Variants in SLC6A13 observed in about 807,000 individuals in gnomAD.
SLC6A13 encodes the protein sodium- and chloride-dependent GABA transporter 2.
A neutral mutation model predicts 72.9 loss-of-function variants in SLC6A13; 69 were observed. The ratio of observed to expected loss-of-function variants is 0.95; its 90% CI spans 0.78 to 1.16. The LOEUF (loss-of-function observed/expected upper bound fraction) is 1.16, where lower values mean the gene tolerates loss of function less well. Ranked by LOEUF, SLC6A13 falls within the 50% of genes most tolerant of loss-of-function variation. The probability of loss-of-function intolerance (pLI) is 0.00; values close to 1 mark genes in which losing one functional copy is unlikely to be tolerated. For synonymous variants in SLC6A13, 303 were observed against 303.0 expected, an observed-to-expected ratio of 1.00 and a Z score of 0.00; for missense variants, 735 against 760.5, an observed-to-expected ratio of 0.97 and a Z score of 0.39.
chr12:237,437 G>T, intron 5 of SLC6A13, 147 bp from the exon 6 acceptor site: 1 of 846,642 alleles, frequency 1.2e-6, no homozygotes. Context: ...CCTTAGCCCA[G>T]AGCTGGAGGT....
In SLC6A13 at chr12:259,977, C is replaced by T. The variant is rs747254485; in HGVS notation, c.76G>A (p.Glu26Lys). 6.8e-6 allele frequency: 11 copies of T among 1,614,134 alleles called. No individual in the cohort carries two copies. The highest frequency in any genetic ancestry group is 9.3e-6 in the Non-Finnish European group (11 of 1,180,046). Reference sequence around the variant, plus strand: ...TGCCCCCGCTCCAGGGTGCCATCTTCCTCCTTCTTTTCCATGACTGGATAC... The same window carrying T: ...TGCCCCCGCTCCAGGGTGCCATCTTTCTCCTTCTTTTCCATGACTGGATAC... ...PVYPVMEKKE[E>K]DGTLERGHWN... Residue 26 changes from glutamate (E) to lysine (K), a missense_variant, in exon 2 of 15, where the codon GAA (glutamate) becomes AAA (lysine). Transcript: ENST00000343164.
chr12:233,389 T>C (rs1453519769), intron 7 of SLC6A13, among the ~76,000 whole-genome samples: 1 of 152,112 alleles, frequency 6.6e-6, no homozygotes, highest in African/African-American at 2.4e-5. Context: ...TCCAACCCCC[T>C]TCAGGCAGCA....
At chr12:226,824 G>A (rs11610536) in intron 8 of SLC6A13, 18,283 of 271,128 alleles carry the variant, frequency 0.067, 869 homozygotes, top group Non-Finnish European at 0.09. Flanking sequence ...TCTCTACCAC[G>A]TAGGTCCACA....
At position 227,667 on chromosome 12, in the gene SLC6A13, A is replaced by T; in HGVS notation, c.833T>A (p.Val278Glu). ...TATCTGGGTGCCTGCATCCATCCAC[A>T]CCTACAAAGGGGAAGGGCAAGAAAG... ...PNLTRLWDPQ[V>E]WMDAGTQIFF... The change falls in exon 8 of 15, where the codon GTG becomes GAG. Residue 278 changes from valine (V) to glutamate (E), a missense_variant and splice_region_variant. Transcript: ENST00000343164. The T allele has an allele frequency of 1.9e-6, 3 of 1,601,420 alleles. No individual in the cohort carries two copies. The highest frequency in any genetic ancestry group is 2.6e-6 in the Non-Finnish European group (3 of 1,172,456).
In SLC6A13 at chr12:225,109, C is replaced by T. The variant is rs541047902; in HGVS notation, c.1061-596G>A. Among the ~76,000 whole-genome samples, 24 of 152,334 alleles carry T rather than the reference C, an allele frequency of 1.6e-4. No individual in the cohort carries two copies. The South Asian group carries it at 4.4e-3, about 28-fold the overall frequency. On this transcript the variant is annotated intron_variant, in intron 9 of 14. Transcript: ENST00000343164. ...GCCGCTGACACACGCCCTCGCGGCG[C>T]GTGAATGTTTCTCTCGACTGACTCA...
In SLC6A13 at chr12:259,943, T is replaced by C; in HGVS notation, c.110A>G (p.Asn37Ser). ...DGTLERGHWN[N>S]KMEFVLSVAG... ...CACTGACAGCACAAACTCCATCTTG[T>C]TGTTCCAGTGCCCCCGCTCCAGGGT... is the stretch of plus-strand genomic sequence containing the variant. The change falls in exon 2 of 15, where the codon AAC (asparagine) becomes AGC (serine). Residue 37 changes from asparagine to serine, a missense_variant. By Grantham distance (46) the Asn-to-Ser change is conservative (BLOSUM62 1). Transcript: ENST00000343164. 1 of 1,614,230 alleles carries C rather than the reference T, an allele frequency of 6.2e-7. No homozygotes were observed. Among genetic ancestry groups the C allele is most frequent in the South Asian group, 1.1e-5 (1 of 91,086 alleles).
Position 222,572 on chromosome 12 carries a change from A to G in SLC6A13, c.1475T>C (p.Ile492Thr). 1 of 1,610,696 alleles carries G rather than the reference A, an allele frequency of 6.2e-7. No homozygotes were observed. Among genetic ancestry groups the G allele is most frequent in the Non-Finnish European group, 8.5e-7 (1 of 1,178,216 alleles). The change falls in exon 13 of 15, where the codon ATC becomes ACC. Residue 492 changes from isoleucine to threonine, a missense_variant. By Grantham distance (89) the Ile-to-Thr change is moderately conservative. Transcript: ENST00000343164. ...DMIGYRPWPL[I>T]KYCWLFLTPA... ...TGTGAGGAAGAGCCAACAGTATTTG[A>G]TAAGAGGCCATGGCCTGTACCCAAT... is the stretch of plus-strand genomic sequence containing the variant.
chr12:234,260 G>C (rs1394724701), intron 7 of SLC6A13, among the ~76,000 whole-genome samples: 1 of 152,186 alleles, frequency 6.6e-6, no homozygotes, highest in Non-Finnish European at 1.5e-5. Flanking sequence ...CCAGCTCCAT[G>C]ACAGTTTACA....
At chr12:257,857 A>G (rs908427223) in intron 2 of SLC6A13, among the ~76,000 whole-genome samples, 3 of 152,136 alleles carry the variant, frequency 2.0e-5, no homozygotes, top group African/African-American at 7.2e-5. Flanking sequence ...TCTTCGTGCC[A>G]TTCCTGCTAA....
At chr12:234,975 C>T in intron 7 of SLC6A13, 115 bp downstream of exon 7, 1 of 1,194,348 alleles carries the variant, frequency 8.4e-7, no homozygotes, top group Non-Finnish European at 1.2e-6. Flanking sequence ...TCTGCTGCCA[C>T]TGTGGACACC....
At chr12:249,141 T>G (rs1942454398) in intron 2 of SLC6A13, among the ~76,000 whole-genome samples, 1 of 152,084 alleles carries the variant, frequency 6.6e-6, no homozygotes, top group African/African-American at 2.4e-5. Flanking sequence ...CCTAGGAGAT[T>G]TACTAAATGA....
At chr12:221,221 G>T in intron 14 of SLC6A13, 151 bp from the exon 15 acceptor site, 1 of 1,325,790 alleles carries the variant, frequency 7.5e-7, no homozygotes, top group Non-Finnish European at 1.0e-6. Flanking sequence ...GTCTTCCCGA[G>T]ACTTCTCAGC....
intron 2 of SLC6A13, among the ~76,000 whole-genome samples, chr12:249,493 A>G (rs763306775): frequency 6.6e-6 from 1 of 152,136 alleles, no homozygotes; most frequent in Non-Finnish European, 1.5e-5. Context: ...AAAGATATGA[A>G]GAACTTTATG....
In SLC6A13 at chr12:238,020, G is replaced by A; in HGVS notation, c.479-10C>T. On this transcript the variant is annotated splice_polypyrimidine_tract_variant and intron_variant, in intron 4 of 14. Transcript: ENST00000343164. ...AACTCCATACAGTGTTCTACCCATGGGTCACGAGGAGGGAAAAAAGAGAAA... is the reference window on the plus strand; with the variant it reads ...AACTCCATACAGTGTTCTACCCATGAGTCACGAGGAGGGAAAAAAGAGAAA... 1.2e-6 allele frequency: 2 copies of A among 1,611,962 alleles called. No individual in the cohort carries two copies. Among genetic ancestry groups the A allele is most frequent in the Non-Finnish European group, 1.7e-6 (2 of 1,178,084 alleles).
intron 4 of SLC6A13, among the ~76,000 whole-genome samples, chr12:240,165 G>A (rs927181952): frequency 6.6e-6 from 1 of 152,094 alleles, no homozygotes; most frequent in African/African-American, 2.4e-5. Flanking sequence ...AAAATAAAAA[G>A]GAAGAAAAGA....
At chr12:251,177 A>C (rs1040438820) in intron 2 of SLC6A13, among the ~76,000 whole-genome samples, 2 of 151,804 alleles carry the variant, frequency 1.3e-5, no homozygotes, top group African/African-American at 2.4e-5. Flanking sequence ...AAAAAAAAAA[A>C]CCTTTGAAAA....
chr12:231,035 G>C (rs975146808), intron 7 of SLC6A13, among the ~76,000 whole-genome samples: 1 of 152,186 alleles, frequency 6.6e-6, no homozygotes, highest in Non-Finnish European at 1.5e-5. Context: ...GGATCTAAAA[G>C]CTTCCACGAG....
chr12:223,842 G>C, intron 11 of SLC6A13, 150 bp downstream of exon 11: 2 of 846,722 alleles, frequency 2.4e-6, no homozygotes, highest in South Asian at 3.4e-5. Flanking sequence ...CTACTTTGTC[G>C]TTCCTGGGAT....
At chr12:232,248 C>CAT (rs751264906) in intron 7 of SLC6A13, among the ~76,000 whole-genome samples, 7 of 152,212 alleles carry the variant, frequency 4.6e-5, no homozygotes, top group Non-Finnish European at 1.0e-4. Context: ...CTTTCCTGAT[C>CAT]ATGCCTCCTT....
Sources: gnomAD v4.1 joint callset for allele counts (sites outside exome capture counted in the v4.1 genomes callset) on GRCh38, gnomAD v4.1.1 for gene constraint, MANE v1.5 for transcripts, NCBI Gene and HGNC (gene_info 2026-07-23, HGNC 2026-07-21) for gene names.